The following RPUSD2 variants were observed in gnomAD, a reference collection of about 807,000 sequenced individuals.
The protein encoded by RPUSD2 is pseudouridylate synthase RPUSD2.
RPUSD2 carries 31 observed loss-of-function variants against 41.5 expected under a neutral mutation model. That is an observed-to-expected ratio of 0.75 (90% CI 0.56 to 1.01). RPUSD2 has a LOEUF of 1.01. Among genes scored for constraint, RPUSD2 ranks in the 50% least tolerant of loss-of-function variants. The probability of loss-of-function intolerance (pLI) is 0.00; values close to 1 mark genes in which losing one functional copy is unlikely to be tolerated. For missense variants in RPUSD2, 749 were observed against 724.7 expected, an observed-to-expected ratio of 1.03 and a Z score of -0.38; for synonymous variants, 305 against 289.7, an observed-to-expected ratio of 1.05 and a Z score of -0.54.
chr15:40,572,323 G>A (rs1346311383), intron 2 of RPUSD2, among the ~76,000 whole-genome samples: 1 of 151,974 alleles, frequency 6.6e-6, no homozygotes, highest in Non-Finnish European at 1.5e-5. Flanking sequence ...AACACTTTGG[G>A]AGGCCGAGGC....
chr15:40,571,853 A>T lies in RPUSD2; in HGVS notation c.856A>T (p.Thr286Ser). Reference sequence around the variant, plus strand: ...CTCAGGGGTGCTTATGTTTGCCAAGACAGCTGCAGTCTCTGAGAGAATTCA... The same window carrying T: ...CTCAGGGGTGCTTATGTTTGCCAAGTCAGCTGCAGTCTCTGAGAGAATTCA... ...LTSGVLMFAK[T>S]AAVSERIHEQ... Residue 286 changes from threonine (T) to serine (S), a missense_variant, in exon 2 of 3, where the codon ACA (threonine) becomes TCA (serine). By Grantham distance (58) the Thr-to-Ser change is moderately conservative (BLOSUM62 1). Coordinates refer to ENST00000315616, the MANE Select transcript of RPUSD2 (RefSeq NM_152260.3). The T allele has an allele frequency of 6.2e-7, 1 of 1,614,208 alleles. No homozygotes were observed. Among genetic ancestry groups the T allele is most frequent in the Non-Finnish European group, 8.5e-7 (1 of 1,180,024 alleles).
chr15:40,574,421 G>T lies in RPUSD2; in HGVS notation c.*160G>T. 1 of 805,258 alleles carries T rather than the reference G, an allele frequency of 1.2e-6. No individual in the cohort carries two copies. Among genetic ancestry groups the T allele is most frequent in the East Asian group, 2.7e-5 (1 of 37,674 alleles). The allele number at this position is 805,258 out of a possible 1,614,324, so 49.9% of individuals were successfully genotyped here. ...TGCTACCTCCTTCCAGTGGGAATTT[G>T]GAGACTTTTTGGTTTGTAAATATAT... On this transcript the variant is annotated 3_prime_UTR_variant, in exon 3 of 3. Coordinates refer to ENST00000315616, the MANE Select transcript of RPUSD2 (RefSeq NM_152260.3).
chr15:40,570,768 TC>T (rs1170762793), intron 1 of RPUSD2, among the ~76,000 whole-genome samples: 1 of 152,102 alleles, frequency 6.6e-6, no homozygotes, highest in Non-Finnish European at 1.5e-5. Context: ...CCCTCTCCTA[TC>T]CCAATTTCTA....
chr15:40,570,213 C>T, intron 1 of RPUSD2: 1 of 438,454 alleles, frequency 2.3e-6, no homozygotes, highest in Non-Finnish European at 4.0e-6. Flanking sequence ...TTGGAATTTT[C>T]ATAATTCCTT....
intron 2 of RPUSD2, among the ~76,000 whole-genome samples, chr15:40,572,935 A>C (rs536079873): frequency 4.6e-5 from 7 of 152,092 alleles, no homozygotes; most frequent in African/African-American, 1.7e-4. Flanking sequence ...CATGCTATAT[A>C]CCAGGCTTAG....
intron 2 of RPUSD2, among the ~76,000 whole-genome samples, chr15:40,572,329 G>A (rs1200449392): frequency 4.0e-5 from 6 of 151,708 alleles, no homozygotes; most frequent in Non-Finnish European, 8.8e-5. Flanking sequence ...TTGGGAGGCC[G>A]AGGCGGGCAG....
Position 40,569,627 on chromosome 15 carries a change from G to A in RPUSD2, c.290G>A (p.Gly97Asp), listed in dbSNP as rs756096507. Reference protein sequence around the residue: ...EHPSAAAPGPGKHKKRRGATR... With the variant: ...EHPSAAAPGPDKHKKRRGATR... ...CCCTCGGCTGCAGCCCCAGGCCCGG[G>A]CAAGCATAAGAAGCGGCGGGGCGCA... The change falls in exon 1 of 3, where the codon GGC becomes GAC. Residue 97 changes from glycine to aspartate, a missense_variant. By Grantham distance (94) the Gly-to-Asp change is moderately conservative. Coordinates refer to ENST00000315616, the MANE Select transcript of RPUSD2 (RefSeq NM_152260.3). 9.1e-6 allele frequency: 14 copies of A among 1,539,222 alleles called. No homozygotes were observed. The South Asian group carries it at 1.7e-4, about 19-fold the overall frequency.
chr15:40,569,709 A>T lies in RPUSD2; in HGVS notation c.372A>T (p.Gly124=). ...AGCGGCGGACCGGGGTGAGCTTCGG[A>T]GATGAGCACTTTGCAGAAACCAGTT... The part of the protein sequence containing the change: ...PKKRRTGVSF[G]DEHFAETSYY... Residue 124 remains glycine (G), a synonymous_variant, in exon 1 of 3, where the codon GGA becomes GGT. Coordinates refer to ENST00000315616, the MANE Select transcript of RPUSD2 (RefSeq NM_152260.3). 1 of 1,583,914 alleles carries T rather than the reference A, an allele frequency of 6.3e-7. No individual in the cohort carries two copies. The highest frequency in any genetic ancestry group is 8.6e-7 in the Non-Finnish European group (1 of 1,164,290).
rs553468701 is a variant in RPUSD2, at chr15:40,569,511, C to T, written c.174C>T (p.Asp58=). 6 of 1,546,316 alleles carry T rather than the reference C, an allele frequency of 3.9e-6. No individual in the cohort carries two copies. Among genetic ancestry groups the T allele is most frequent in the Middle Eastern group, 1.8e-4 (1 of 5,714 alleles). Residue 58 remains aspartate, a synonymous_variant, in exon 1 of 3, where the codon GAC becomes GAT. Coordinates refer to ENST00000315616, the MANE Select transcript of RPUSD2 (RefSeq NM_152260.3). ...GGGCTTCGCATCAGCAAAACGGTGACGCTGGTGGCGACGCGAAGGTTGAGC... is the reference window on the plus strand; with the variant it reads ...GGGCTTCGCATCAGCAAAACGGTGATGCTGGTGGCGACGCGAAGGTTGAGC... The part of the protein sequence containing the change: ...GLRASHQQNG[D]AGGDAKVELS...
Position 40,569,583 on chromosome 15 carries a change from C to A in RPUSD2, c.246C>A (p.Ala82=). The A allele has an allele frequency of 6.5e-7, 1 of 1,534,544 alleles. No individual in the cohort carries two copies. Among genetic ancestry groups the A allele is most frequent in the South Asian group, 1.3e-5 (1 of 79,552 alleles). ...PKPAGREVEP[A]PVGGEHPSAA... is the part of the protein sequence containing the mutation. ...CGGCTGGCCGGGAAGTGGAGCCGGC[C>A]CCAGTAGGCGGGGAGCATCCCTCGG... Residue 82 remains alanine (A), a synonymous_variant, in exon 1 of 3, where the codon GCC becomes GCA. Coordinates refer to ENST00000315616, the MANE Select transcript of RPUSD2 (RefSeq NM_152260.3).
chr15:40,573,456 A>C, intron 2 of RPUSD2, 71 bp from the exon 3 acceptor site: 3 of 1,517,402 alleles, frequency 2.0e-6, no homozygotes, highest in Middle Eastern at 2.1e-4. Context: ...GGTCCTTATC[A>C]CTCCACAAAG....
chr15:40,570,051 A>G, intron 1 of RPUSD2, 108 bp downstream of exon 1: 1 of 1,352,240 alleles, frequency 7.4e-7, no homozygotes, highest in Non-Finnish European at 9.7e-7. Context: ...CTGGATTAAA[A>G]TCATGGCAAT....
At chr15:40,570,518 G>A (rs1891114468) in intron 1 of RPUSD2, among the ~76,000 whole-genome samples, 1 of 152,206 alleles carries the variant, frequency 6.6e-6, no homozygotes, top group South Asian at 2.1e-4. Context: ...GTTATGAGAT[G>A]TCAGGGATAG....
chr15:40,571,847 G>T lies in RPUSD2; in HGVS notation c.850G>T (p.Ala284Ser), dbSNP rs35320820. Residue 284 changes from alanine to serine, a missense_variant, in exon 2 of 3, where the codon GCC (alanine) becomes TCC (serine). By Grantham distance (99) the Ala-to-Ser change is moderately conservative (BLOSUM62 1). Coordinates refer to ENST00000315616, the MANE Select transcript of RPUSD2 (RefSeq NM_152260.3). ...DRLTSGVLMFAKTAAVSERIH... is the reference protein window; with the variant it reads ...DRLTSGVLMFSKTAAVSERIH... ...CCTTACCTCAGGGGTGCTTATGTTT[G>T]CCAAGACAGCTGCAGTCTCTGAGAG... The T allele has an allele frequency of 6.2e-5, 100 of 1,614,080 alleles. No homozygotes were observed. Among genetic ancestry groups the T allele is most frequent in the Non-Finnish European group, 8.2e-5 (97 of 1,180,036 alleles).
chr15:40,573,795 C>T lies in RPUSD2; in HGVS notation c.1172C>T (p.Ser391Leu), dbSNP rs766610954. 1.9e-6 allele frequency: 3 copies of T among 1,614,244 alleles called. No homozygotes were observed. Among genetic ancestry groups the T allele is most frequent in the Non-Finnish European group, 2.5e-6 (3 of 1,180,054 alleles). Residue 391 changes from serine to leucine, a missense_variant, in exon 3 of 3, where the codon TCA (serine) becomes TTA (leucine). By Grantham distance (145) the Ser-to-Leu change is moderately radical. Transcript: ENST00000315616. ...ATTCTCAACGACCCCATCTACAACT[C>T]AGTTGCCTGGGGTCCTTCTCGAGGC... ...HPILNDPIYN[S>L]VAWGPSRGRG...
Position 40,574,080 on chromosome 15 carries a change from T to G in RPUSD2, c.1457T>G (p.Val486Gly). The change falls in exon 3 of 3, where the codon GTT (valine) becomes GGT (glycine). Residue 486 changes from valine (V) to glycine (G), a missense_variant. Coordinates refer to ENST00000315616, the MANE Select transcript of RPUSD2 (RefSeq NM_152260.3). ...DTIALASEKA[V>G]ETDVMNQETD... Reference sequence around the variant, plus strand: ...ATAGCCTTGGCATCAGAGAAGGCAGTTGAAACAGATGTCATGAATCAAGAG... The same window carrying G: ...ATAGCCTTGGCATCAGAGAAGGCAGGTGAAACAGATGTCATGAATCAAGAG... 3 of 1,614,188 alleles carry G rather than the reference T, an allele frequency of 1.9e-6. No homozygotes were observed. Among genetic ancestry groups the G allele is most frequent in the Non-Finnish European group, 2.5e-6 (3 of 1,180,032 alleles).
rs1891202319 is a variant in RPUSD2 at position 40,574,021 on chromosome 15, A to G, written c.1398A>G (p.Glu466=). The part of the protein sequence containing the change: ...ELAAAAQKME[E]VAEAAPQELD... ...CTGCAGCTGCCCAGAAGATGGAGGA[A>G]GTAGCTGAGGCAGCCCCTCAGGAGT... is the stretch of plus-strand genomic sequence containing the variant. The change falls in exon 3 of 3, where the codon GAA becomes GAG. Residue 466 remains glutamate, a synonymous_variant. Transcript: ENST00000315616. 1 of 1,614,134 alleles carries G rather than the reference A, an allele frequency of 6.2e-7. No homozygotes were observed.
rs35094180 is a variant in RPUSD2 at position 40,571,608 on chromosome 15, A to G, written c.611A>G (p.Asn204Ser). 7.4e-5 allele frequency: 120 copies of G among 1,614,004 alleles called. No homozygotes were observed. In the African/African-American group the frequency reaches 1.3e-3, roughly 18 times the overall value. ...VQDLNIVLKDNDFLRNTVHRH... is the reference protein window; with the variant it reads ...VQDLNIVLKDSDFLRNTVHRH... ...TATTACCTATGTCTTTGACAGGACA[A>G]TGATTTCTTGCGGAACACAGTGCAC... Residue 204 changes from asparagine (N) to serine (S), a missense_variant, in exon 2 of 3, where the codon AAT becomes AGT. Physicochemically the swap from Asn to Ser is conservative, Grantham distance 46 (BLOSUM62 1). Transcript: ENST00000315616.
chr15:40,572,184 T>G (rs368568945), intron 2 of RPUSD2, among the ~76,000 whole-genome samples: 1 of 151,540 alleles, frequency 6.6e-6, no homozygotes, highest in African/African-American at 2.4e-5. Flanking sequence ...TCCCAGCATT[T>G]TGGGAGGCTG....
Sources: gnomAD v4.1 joint callset for allele counts (sites outside exome capture counted in the v4.1 genomes callset) on GRCh38, gnomAD v4.1.1 for gene constraint, MANE v1.5 for transcripts, NCBI Gene and HGNC (gene_info 2026-07-23, HGNC 2026-07-21) for gene names.